Variants in SOX6 observed in about 807,000 individuals in gnomAD.
The protein encoded by SOX6 is transcription factor SOX-6.
Under a neutral mutation model 97.8 loss-of-function variants are expected in SOX6, and 11 were observed. That is an observed-to-expected ratio of 0.11 (90% CI 0.07 to 0.19). The LOEUF is 0.19. Among genes scored for constraint, SOX6 ranks in the 10% least tolerant of loss-of-function variants. The pLI is 1.00. For missense variants in SOX6, 810 were observed against 1,039.5 expected (o/e 0.78, Z 3.04); for synonymous variants, 360 against 371.4 (o/e 0.97, Z 0.35).
chr11:16,471,270 A>G (rs1860137610), intron 1 of SOX6, among the ~76,000 whole-genome samples: 1 of 151,930 alleles, frequency 6.6e-6, no homozygotes, highest in African/African-American at 2.4e-5. Flanking sequence ...TTTTTAAGAG[A>G]AAAAAAACAC....
chr11:16,277,586 G>C (rs1020996328), intron 3 of SOX6, among the ~76,000 whole-genome samples: 1 of 152,146 alleles, frequency 6.6e-6, no homozygotes. Context: ...AATAAAGTCT[G>C]GTATCTTCCA....
chr11:16,236,240 G>C lies in SOX6; in HGVS notation c.446-1569C>G, dbSNP rs552311520. On this transcript the variant is annotated intron_variant, in intron 3 of 15. Transcript: ENST00000683767. ...ACATGCAGATGCATATGTTCGGGTT[G>C]CATTTAATTGCTTAAATAGCCTCTT... Among the ~76,000 whole-genome samples the C allele has an allele frequency of 3.9e-5, 6 of 152,060 alleles. No individual in the cohort carries two copies. The South Asian group carries it at 1.2e-3, about 32-fold the overall frequency.
chr11:16,610,867 G>C lies in SOX6; in HGVS notation n.609+1214C>G, dbSNP rs1004640734. ...CTACCTGGTGCGCACCGGCCTGCGGGCTCGGAGAAGTTCCCGGAGGAGCAG... is the reference window on the plus strand; with the variant it reads ...CTACCTGGTGCGCACCGGCCTGCGGCCTCGGAGAAGTTCCCGGAGGAGCAG... On this transcript the variant is annotated intron_variant and non_coding_transcript_variant, in intron 4 of 5. Transcript: ENST00000524520. This position sits in a 1 kb window ranked among gnomAD's most constrained non-coding sequence, Gnocchi z 4.4. Among the ~76,000 whole-genome samples the C allele has an allele frequency of 6.6e-6, 1 of 152,204 alleles. No individual in the cohort carries two copies. Among genetic ancestry groups the C allele is most frequent in the Non-Finnish European group, 1.5e-5 (1 of 68,044 alleles).
chr11:16,501,651 G>A lies in SOX6; in HGVS notation n.610-25263C>T, dbSNP rs1213110276. On this transcript the variant is annotated intron_variant and non_coding_transcript_variant, in intron 4 of 5. Transcript: ENST00000524520. The stretch of plus-strand genomic sequence containing the variant: ...CAACCCCATCAAAAAATTGGGCAAA[G>A]GATATGAACAGACACTTCTCAAAAG... 1.5e-3 allele frequency among the ~76,000 whole-genome samples: 235 copies of A among 151,690 alleles called. 2 individuals carry two copies. The highest frequency in any genetic ancestry group is 5.5e-3 in the African/African-American group (224 of 41,018).
At chr11:16,725,263 C>T (rs910324345) in intron 2 of SOX6, among the ~76,000 whole-genome samples, 2 of 152,198 alleles carry the variant, frequency 1.3e-5, no homozygotes, top group African/African-American at 4.8e-5. Flanking sequence ...GTGGCTGATG[C>T]CCATAATCCC....
At chr11:16,149,494 A>G (rs1417043131) in intron 6 of SOX6, among the ~76,000 whole-genome samples, 1 of 152,146 alleles carries the variant, frequency 6.6e-6, no homozygotes, top group African/African-American at 2.4e-5. Flanking sequence ...GGAGTCTGAT[A>G]GGTCATTAAA....
chr11:16,059,039 CT>C (rs1280429145), intron 9 of SOX6, among the ~76,000 whole-genome samples: 4 of 152,058 alleles, frequency 2.6e-5, no homozygotes, highest in Non-Finnish European at 5.9e-5. Flanking sequence ...CCCAACTGGG[CT>C]TGATTCTTTT....
intron 7 of SOX6, among the ~76,000 whole-genome samples, chr11:16,104,174 G>A (rs1421375349): frequency 6.6e-6 from 1 of 151,778 alleles, no homozygotes; most frequent in Non-Finnish European, 1.5e-5. Context: ...TTAAAAATTA[G>A]GGTGCTAATC....
intron 3 of SOX6, among the ~76,000 whole-genome samples, chr11:16,686,132 G>A (rs936703734): frequency 1.3e-5 from 2 of 152,224 alleles, no homozygotes; most frequent in African/African-American, 2.4e-5. Flanking sequence ...GATGGAAGGG[G>A]TTGCCACAAA....
intron 6 of SOX6, among the ~76,000 whole-genome samples, chr11:16,124,634 T>C (rs1030209877): frequency 1.3e-5 from 2 of 151,996 alleles, no homozygotes; most frequent in African/African-American, 4.8e-5. Flanking sequence ...CAGAGCAGAA[T>C]GAGCATAGAG....
At chr11:16,530,991 T>A (rs1345658725) in intron 4 of SOX6, among the ~76,000 whole-genome samples, 2 of 147,308 alleles carry the variant, frequency 1.4e-5, no homozygotes, top group African/African-American at 5.0e-5. Flanking sequence ...ATATATATAA[T>A]GTTAAAATAT....
chr11:16,696,386 C>A (rs1848053997), intron 3 of SOX6, among the ~76,000 whole-genome samples: 1 of 152,174 alleles, frequency 6.6e-6, no homozygotes, highest in Non-Finnish European at 1.5e-5. Context: ...TTCAAATTAT[C>A]TTCTAGCTAT....
At chr11:16,433,434 A>C (rs1298908476) in intron 1 of SOX6, among the ~76,000 whole-genome samples, 1 of 152,106 alleles carries the variant, frequency 6.6e-6, no homozygotes, top group Non-Finnish European at 1.5e-5. Context: ...GAACTCTAGA[A>C]CATGTGGTCT....
intron 4 of SOX6, among the ~76,000 whole-genome samples, chr11:16,200,829 G>T (rs1245324923): frequency 6.6e-6 from 1 of 152,096 alleles, no homozygotes; most frequent in Non-Finnish European, 1.5e-5. Context: ...ATACAGGCTG[G>T]GCGCGATGGC....
intron 3 of SOX6, among the ~76,000 whole-genome samples, chr11:16,286,037 A>G (rs1264026009): frequency 1.3e-5 from 2 of 152,176 alleles, no homozygotes; most frequent in Non-Finnish European, 2.9e-5. Flanking sequence ...AAAAGTACTC[A>G]CAAATTCAGG....
intron 1 of SOX6, among the ~76,000 whole-genome samples, chr11:16,375,949 G>T (rs1320256458): frequency 6.6e-6 from 1 of 152,084 alleles, no homozygotes; most frequent in African/African-American, 2.4e-5. Context: ...AACACCGCAT[G>T]TTCTCACTCA....
intron 1 of SOX6, among the ~76,000 whole-genome samples, chr11:16,381,220 G>A (rs1350960818): frequency 2.6e-5 from 4 of 151,960 alleles, no homozygotes; most frequent in Admixed American, 6.6e-5. Flanking sequence ...TGACATCCTT[G>A]ATAGTGAAGA....
At chr11:16,042,216 T>C (rs747289277) in intron 12 of SOX6, among the ~76,000 whole-genome samples, 3 of 152,142 alleles carry the variant, frequency 2.0e-5, no homozygotes, top group Non-Finnish European at 4.4e-5. Flanking sequence ...CTAAAATCCA[T>C]GTTCTTTGTA....
chr11:16,124,250 T>C (rs1460050342), intron 6 of SOX6, among the ~76,000 whole-genome samples: 1 of 152,112 alleles, frequency 6.6e-6, no homozygotes, highest in African/African-American at 2.4e-5. Context: ...GGGAATACAG[T>C]AGAAGACAAT....
Sources: allele counts gnomAD v4.1 joint callset (sites outside exome capture counted in the v4.1 genomes callset), GRCh38; gene constraint gnomAD v4.1.1; non-coding constraint Gnocchi (gnomAD v3.1); transcripts MANE v1.5; gene names NCBI Gene and HGNC (gene_info 2026-07-23, HGNC 2026-07-21).